F9: variants seen among roughly 807,000 people sequenced by gnomAD.
F9 encodes Christmas factor.
F9 carries 2 observed loss-of-function variants against 34.1 expected under a neutral mutation model. The ratio of observed to expected loss-of-function variants is 0.06; its 90% CI spans 0.02 to 0.18. F9 has a LOEUF of 0.18. Ranked by LOEUF, F9 falls within the 10% of genes least tolerant of loss-of-function variation. The probability of loss-of-function intolerance (pLI) is 1.00; values close to 1 mark genes in which losing one functional copy is unlikely to be tolerated. For synonymous variants in F9, 137 were observed against 118.8 expected, an observed-to-expected ratio of 1.15 and a Z score of -1.00; for missense variants, 216 against 345.1, an observed-to-expected ratio of 0.63 and a Z score of 2.96.
Position 139,541,870 on chromosome X carries a change from G to A in F9, c.391+681G>A, listed in dbSNP as rs761455146. ...CAAAGCCTAGATTATTTCTTTTTCC[G>A]ACGTTTCAGTAATTGGAGCAGTAAA... On this transcript the variant is annotated intron_variant, in intron 4 of 7. Transcript: ENST00000218099. Among the ~76,000 whole-genome samples, 5 of 111,491 alleles carry A rather than the reference G, an allele frequency of 4.5e-5. No individual in the cohort carries two copies. The Admixed American group carries it at 4.8e-4, about 11-fold the overall frequency.
intron 6 of F9, among the ~76,000 whole-genome samples, chrX:139,558,611 C>T (rs372283748): frequency 6.2e-5 from 7 of 112,719 alleles, no homozygotes; most frequent in African/African-American, 1.6e-4. Flanking sequence ...TTCCATGGCA[C>T]TTTTCTTCCT....
intron 6 of F9, among the ~76,000 whole-genome samples, chrX:139,557,937 T>G (rs925869945): frequency 1.8e-5 from 2 of 112,383 alleles, no homozygotes; most frequent in Admixed American, 9.4e-5. Flanking sequence ...TCTCACCACC[T>G]TCCGGGGTGG....
At chrX:139,558,660 T>C (rs967905239) in intron 6 of F9, among the ~76,000 whole-genome samples, 1 of 112,659 alleles carries the variant, frequency 8.9e-6, no homozygotes, top group African/African-American at 3.2e-5. Context: ...TATTTCTCAC[T>C]GAGCCCCACA....
intron 4 of F9, chrX:139,544,555 T>C (rs192860547): frequency 8.1e-5 from 9 of 111,173 alleles, no homozygotes; most frequent in African/African-American, 2.9e-4. Context: ...ATATGTAAAA[T>C]AGAGTTTAAA....
chrX:139,533,897 A>G (rs1304133902), intron 1 of F9, among the ~76,000 whole-genome samples: 2 of 111,886 alleles, frequency 1.8e-5, no homozygotes, highest in African/African-American at 6.5e-5. Context: ...CTGGACATTT[A>G]AGGGCCATGG....
chrX:139,561,082 T>C (rs1354248984), intron 7 of F9, among the ~76,000 whole-genome samples: 1 of 111,675 alleles, frequency 9.0e-6, no homozygotes, highest in Non-Finnish European at 1.9e-5. Flanking sequence ...GTTCTTGATG[T>C]AGCCATTTCC....
At chrX:139,536,164 TATATATGTATACATATATATGTGTAC>T (rs1238302434) in intron 1 of F9, among the ~76,000 whole-genome samples, 3 of 105,341 alleles carry the variant, frequency 2.8e-5, no homozygotes, top group Admixed American at 1.0e-4. Context: ...TATGTGTGTG[TATATATGTATACATATATATGTGTAC>T]ATATATGTAT....
chrX:139,554,803 A>G (rs919524570), intron 6 of F9, among the ~76,000 whole-genome samples: 6 of 113,031 alleles, frequency 5.3e-5, no homozygotes, highest in Non-Finnish European at 1.1e-4. Flanking sequence ...GATGCTTCAT[A>G]AGAACCTTTC....
intron 1 of F9, among the ~76,000 whole-genome samples, chrX:139,532,168 G>T (rs1927358288): frequency 9.0e-6 from 1 of 111,726 alleles, no homozygotes; most frequent in Admixed American, 9.5e-5. Context: ...CTGAAGGGAA[G>T]TTAAGTATAC....
intron 3 of F9, among the ~76,000 whole-genome samples, chrX:139,540,418 G>A (rs774043467): frequency 3.6e-5 from 4 of 111,751 alleles, no homozygotes; most frequent in South Asian, 3.7e-4. Flanking sequence ...ATGATATATC[G>A]AATGCTGTCT....
intron 7 of F9, 52 bp from the exon 8 acceptor site, chrX:139,561,472 C>T: frequency 9.3e-7 from 1 of 1,075,916 alleles, no homozygotes; most frequent in Non-Finnish European, 1.3e-6. Flanking sequence ...CTTAGAAAAT[C>T]TGTGTATGTG....
chrX:139,562,148 T>A lies in F9; in HGVS notation c.*77T>A. ...CTCTCACTAACTAATCACTTTCCCA[T>A]CTTTTGTTAGATTTGAATATATACA... On this transcript the variant is annotated 3_prime_UTR_variant, in exon 8 of 8. Coordinates refer to ENST00000218099, the MANE Select transcript of F9 (RefSeq NM_000133.4). 1 of 895,389 alleles carries A rather than the reference T, an allele frequency of 1.1e-6. No homozygotes were observed. The allele number at this position is 895,389 out of a possible 1,213,427, so 73.8% of individuals were successfully genotyped here. A position where few individuals can be genotyped will look rare whatever the true frequency, so the allele number is the denominator to read the frequency against.
chrX:139,544,298 G>T (rs1927666452), intron 4 of F9, among the ~76,000 whole-genome samples: 1 of 111,364 alleles, frequency 9.0e-6, no homozygotes, highest in Non-Finnish European at 1.9e-5. Flanking sequence ...ATGATAGCTA[G>T]TAACAGAAAA....
intron 1 of F9, among the ~76,000 whole-genome samples, chrX:139,531,592 A>G (rs767158807): frequency 1.1e-4 from 12 of 112,546 alleles, no homozygotes; most frequent in Non-Finnish European, 1.1e-4. Context: ...TGCAACATAT[A>G]TCACTTTGTT....
rs768833956 is a variant in F9, at chrX:139,530,812, C to A, written c.48C>A (p.Thr16=). The change falls in exon 1 of 8, where the codon ACC becomes ACA. Residue 16 remains threonine (T), a synonymous_variant. Coordinates refer to ENST00000218099, the MANE Select transcript of F9 (RefSeq NM_000133.4). Reference sequence around the variant, plus strand: ...TGGCAGAATCACCAGGCCTCATCACCATCTGCCTTTTAGGATATCTACTCA... The same window carrying A: ...TGGCAGAATCACCAGGCCTCATCACAATCTGCCTTTTAGGATATCTACTCA... ...MIMAESPGLI[T]ICLLGYLLSA... is the part of the protein sequence containing the mutation. 3.3e-6 allele frequency: 4 copies of A among 1,210,856 alleles called. No homozygotes were observed. The Middle Eastern group carries it at 6.9e-4, about 209-fold the overall frequency.
intron 3 of F9, among the ~76,000 whole-genome samples, chrX:139,540,470 T>C (rs1271864874): frequency 8.0e-5 from 9 of 112,194 alleles, no homozygotes; most frequent in Non-Finnish European, 1.7e-4. Context: ...TTGTAAAACA[T>C]AGACTATCTT....
intron 4 of F9, 143 bp from the exon 5 acceptor site, chrX:139,548,220 C>T: frequency 1.7e-6 from 1 of 572,030 alleles, no homozygotes; most frequent in Non-Finnish European, 2.8e-6. Context: ...TTCAAGGCTC[C>T]AAAATTTCTC....
chrX:139,536,168 T>C (rs1330387690), intron 1 of F9, among the ~76,000 whole-genome samples: 1 of 101,869 alleles, frequency 9.8e-6, no homozygotes, highest in Non-Finnish European at 2.0e-5. Flanking sequence ...TGTGTGTATA[T>C]ATGTATACAT....
At chrX:139,555,418 A>G (rs984942744) in intron 6 of F9, among the ~76,000 whole-genome samples, 5 of 112,735 alleles carry the variant, frequency 4.4e-5, no homozygotes, top group African/African-American at 1.6e-4. Context: ...CCAAGGGCCA[A>G]CGCAGCCGCG....
Sources: gnomAD v4.1 joint callset for allele counts (sites outside exome capture counted in the v4.1 genomes callset) on GRCh38, gnomAD v4.1.1 for gene constraint, MANE v1.5 for transcripts, NCBI Gene and HGNC (gene_info 2026-07-23, HGNC 2026-07-21) for gene names.